The following TDRD10 variants were observed in gnomAD, a reference collection of about 807,000 sequenced individuals.
TDRD10 encodes the protein tudor domain containing 10.
In TDRD10, 40 loss-of-function variants were observed where a neutral mutation model predicts 48.0. That is an observed-to-expected ratio of 0.83 (90% CI 0.65 to 1.09). TDRD10 has a LOEUF of 1.09. Ranked by LOEUF, TDRD10 falls within the 50% of genes least tolerant of loss-of-function variation. The pLI, the probability that TDRD10 is intolerant of heterozygous loss-of-function variation, is 0.00. For synonymous variants in TDRD10, 162 were observed against 170.4 expected, an observed-to-expected ratio of 0.95 and a Z score of 0.38; for missense variants, 378 against 434.7, an observed-to-expected ratio of 0.87 and a Z score of 1.16.
intron 11 of TDRD10, 131 bp downstream of exon 11, chr1:154,545,080 G>C (rs1355773929): frequency 8.1e-7 from 1 of 1,239,116 alleles, no homozygotes; most frequent in Non-Finnish European, 1.1e-6. Context: ...CCCAACCCCA[G>C]TTTTCAGCAT....
At chr1:154,546,882 C>T (rs1166626236) in intron 11 of TDRD10, among the ~76,000 whole-genome samples, 5 of 152,102 alleles carry the variant, frequency 3.3e-5, no homozygotes, top group Non-Finnish European at 1.5e-5. Flanking sequence ...CTAGGTCTGA[C>T]TCTTAGTGAT....
intron 11 of TDRD10, among the ~76,000 whole-genome samples, chr1:154,546,437 T>A (rs1179663804): frequency 6.8e-6 from 1 of 146,630 alleles, no homozygotes; most frequent in Non-Finnish European, 1.5e-5. Context: ...ATTATATATA[T>A]CACGTAATAT....
intron 7 of TDRD10, among the ~76,000 whole-genome samples, chr1:154,542,385 G>C (rs566162897): frequency 2.0e-5 from 3 of 152,294 alleles, no homozygotes; most frequent in African/African-American, 7.2e-5. Context: ...GCATCGCCAT[G>C]CCTGGCTAAT....
chr1:154,546,461 T>C (rs1314744906), intron 11 of TDRD10, among the ~76,000 whole-genome samples: 3 of 141,008 alleles, frequency 2.1e-5, no homozygotes, highest in Non-Finnish European at 3.1e-5. Flanking sequence ...TTATATATTA[T>C]GTAACATATA....
In TDRD10 at chr1:154,541,977, A is replaced by G. The variant is rs747033655; in HGVS notation, c.370-47A>G. The G allele has an allele frequency of 8.1e-6, 13 of 1,602,136 alleles. No individual in the cohort carries two copies. The Admixed American group carries it at 2.2e-4, about 27-fold the overall frequency. ...AGTGATTCAACATAGAAATCAATAA[A>G]ACAAATGCCACCATGGCTGAGTGAG... On this transcript the variant is annotated intron_variant, in intron 6 of 12. Coordinates refer to ENST00000368482, the MANE Select transcript of TDRD10 (RefSeq NM_182499.4).
intron 6 of TDRD10, among the ~76,000 whole-genome samples, chr1:154,531,084 G>A (rs925587668): frequency 4.0e-5 from 6 of 151,720 alleles, no homozygotes; most frequent in Non-Finnish European, 7.4e-5. Flanking sequence ...CAAGTGATCC[G>A]CCTGCCTCAG....
intron 4 of TDRD10, among the ~76,000 whole-genome samples, chr1:154,515,590 G>A (rs1451335610): frequency 6.6e-6 from 1 of 152,198 alleles, no homozygotes; most frequent in Non-Finnish European, 1.5e-5. Context: ...TGCTTCGGAG[G>A]TGGCCTTCTC....
intron 6 of TDRD10, among the ~76,000 whole-genome samples, chr1:154,522,445 G>A (rs1694107101): frequency 6.6e-6 from 1 of 152,198 alleles, no homozygotes; most frequent in South Asian, 2.1e-4. Flanking sequence ...AACAAGGTCA[G>A]CCACAAAGCT....
intron 6 of TDRD10, among the ~76,000 whole-genome samples, chr1:154,524,515 T>C (rs889694645): frequency 2.0e-5 from 3 of 152,160 alleles, no homozygotes; most frequent in African/African-American, 7.2e-5. Flanking sequence ...GGATGCTATA[T>C]CATGGAGACT....
intron 11 of TDRD10, 65 bp downstream of exon 11, chr1:154,545,014 G>C: frequency 6.3e-7 from 1 of 1,581,466 alleles, no homozygotes; most frequent in Admixed American, 1.8e-5. Flanking sequence ...TTGCTTCTGG[G>C]ACCTGAACAG....
At chr1:154,520,888 C>T (rs886279835) in intron 5 of TDRD10, among the ~76,000 whole-genome samples, 2 of 152,160 alleles carry the variant, frequency 1.3e-5, no homozygotes, top group African/African-American at 2.4e-5. Context: ...CAGGTGTACA[C>T]CACCACATCC....
chr1:154,521,277 C>G lies in TDRD10; in HGVS notation c.213-46C>G, dbSNP rs761595927. 4 of 1,603,206 alleles carry G rather than the reference C, an allele frequency of 2.5e-6. No homozygotes were observed. The African/African-American group carries it at 4.0e-5, about 16-fold the overall frequency. The stretch of plus-strand genomic sequence containing the variant: ...GGTGCCTCCCTGCAGCTCTGGGCTT[C>G]TCTGGAGATGTGCTCAAAGCCTCCC... On this transcript the variant is annotated intron_variant, in intron 5 of 12. Coordinates refer to ENST00000368482, the MANE Select transcript of TDRD10 (RefSeq NM_182499.4).
chr1:154,525,522 A>G (rs898111329), intron 6 of TDRD10, among the ~76,000 whole-genome samples: 1 of 152,228 alleles, frequency 6.6e-6, no homozygotes, highest in African/African-American at 2.4e-5. Flanking sequence ...TAGATGAGCA[A>G]AGAAGAAAGG....
Position 154,520,308 on chromosome 1 carries a change from A to G in TDRD10, c.146A>G (p.Glu49Gly). The change falls in exon 5 of 13, where the codon GAA becomes GGA. Residue 49 changes from glutamate to glycine, a missense_variant. Glu to Gly is a moderately conservative substitution (Grantham distance 98). Coordinates refer to ENST00000368482, the MANE Select transcript of TDRD10 (RefSeq NM_182499.4). ...TTTTAAACCCTGCTGTTGTAGGAGG[A>G]AATTCTGTACCTTCTAAAGGACTTC... ...GNLPLDISKEEILYLLKDFNP... is the reference protein window; with the variant it reads ...GNLPLDISKEGILYLLKDFNP... 1 of 1,612,984 alleles carries G rather than the reference A, an allele frequency of 6.2e-7. No homozygotes were observed. Among genetic ancestry groups the G allele is most frequent in the South Asian group, 1.1e-5 (1 of 91,048 alleles).
intron 4 of TDRD10, among the ~76,000 whole-genome samples, chr1:154,517,419 CCTT>C: frequency 6.6e-6 from 1 of 150,766 alleles, no homozygotes; most frequent in Non-Finnish European, 1.5e-5. Context: ...TGATATTAGA[CCTT>C]TTTTTTTTTT....
At position 154,527,094 on chromosome 1, in the gene TDRD10, A is replaced by G. The variant is rs373301655; in HGVS notation, c.369+5615A>G. On this transcript the variant is annotated intron_variant, in intron 6 of 12. Transcript: ENST00000368482. ...CCCGCCTAGTTTTTGTATTTTTAGC[A>G]TGGACAGGATTTCGCCATGTTGGGC... Among the ~76,000 whole-genome samples, 59 of 151,046 alleles carry G rather than the reference A, an allele frequency of 3.9e-4. No individual in the cohort carries two copies. In the South Asian group the frequency reaches 0.011, roughly 29 times the overall value.
chr1:154,538,438 T>C (rs1443403514), intron 6 of TDRD10, among the ~76,000 whole-genome samples: 3 of 149,846 alleles, frequency 2.0e-5, no homozygotes, highest in East Asian at 2.0e-4. Flanking sequence ...TAATCCCAGC[T>C]ACTCAGGAGG....
chr1:154,518,415 A>C (rs1570919817), intron 4 of TDRD10, among the ~76,000 whole-genome samples: 1 of 152,064 alleles, frequency 6.6e-6, no homozygotes, highest in East Asian at 1.9e-4. Context: ...CCTCCTTTCA[A>C]ATCTATAATT....
chr1:154,529,632 G>A (rs769344556), intron 6 of TDRD10, among the ~76,000 whole-genome samples: 1 of 147,590 alleles, frequency 6.8e-6, no homozygotes, highest in Non-Finnish European at 1.5e-5. Context: ...TGCAACCTCC[G>A]CCTCCCAGGT....
Sources: allele counts gnomAD v4.1 joint callset (sites outside exome capture counted in the v4.1 genomes callset), GRCh38; gene constraint gnomAD v4.1.1; transcripts MANE v1.5; gene names NCBI Gene and HGNC (gene_info 2026-07-23, HGNC 2026-07-21).